Variants in AMN observed in about 807,000 individuals in gnomAD.
The protein encoded by AMN is protein amnionless.
In AMN, 40 loss-of-function variants were observed where a neutral mutation model predicts 49.1. The ratio of observed to expected loss-of-function variants is 0.81; its 90% confidence interval spans 0.63 to 1.06. The LOEUF (loss-of-function observed/expected upper bound fraction) is 1.06. Among genes scored for constraint, AMN ranks in the 50% least tolerant of loss-of-function variants. The probability of loss-of-function intolerance (pLI) is 0.00; values close to 1 mark genes in which losing one functional copy is unlikely to be tolerated. For missense variants in AMN, 701 were observed against 662.8 expected, an observed-to-expected ratio of 1.06 and a Z score of -0.63; for synonymous variants, 380 against 313.3, an observed-to-expected ratio of 1.21 and a Z score of -2.25.
chr14:102,922,973 C>T (rs1891094190), intron 1 of AMN: 4 of 545,050 alleles, frequency 7.3e-6, no homozygotes, highest in Non-Finnish European at 1.2e-5. Context: ...GAACCTCGGC[C>T]AGCCCCGGCC....
chr14:102,926,867 T>C (rs1199655134), intron 3 of AMN, among the ~76,000 whole-genome samples: 1 of 152,170 alleles, frequency 6.6e-6, no homozygotes, highest in South Asian at 2.1e-4. Flanking sequence ...GGTCTTATAT[T>C]GTATTGGTTA....
chr14:102,928,510 G>C lies in AMN; in HGVS notation c.292G>C (p.Ala98Pro), dbSNP rs1326623762. Residue 98 changes from alanine to proline, a missense_variant, in exon 4 of 12, where the codon GCG becomes CCG. Ala to Pro is a conservative substitution (Grantham distance 27). Transcript: ENST00000299155. Reference sequence around the variant, plus strand: ...CGTGGGCTCGCACCTGGACTGTGGCGCGGGTGAGGCGGTCGGGCAGGGGCG... The same window carrying C: ...CGTGGGCTCGCACCTGGACTGTGGCCCGGGTGAGGCGGTCGGGCAGGGGCG... ...SDVGSHLDCG[A>P]GEPAVFRDSD... 2 of 1,605,854 alleles carry C rather than the reference G, an allele frequency of 1.2e-6. No homozygotes were observed. The highest frequency in any genetic ancestry group is 1.7e-6 in the Non-Finnish European group (2 of 1,178,326).
chr14:102,928,077 C>CG (rs1160386533), intron 3 of AMN, among the ~76,000 whole-genome samples: 1 of 152,154 alleles, frequency 6.6e-6, no homozygotes, highest in African/African-American at 2.4e-5. Flanking sequence ...CAAGGGGCTA[C>CG]GGGGGGAGGC....
At chr14:102,929,618 C>T (rs1595434085) in intron 7 of AMN, 37 bp from the exon 8 acceptor site, 3 of 1,547,884 alleles carry the variant, frequency 1.9e-6, no homozygotes, top group African/African-American at 1.4e-5. Flanking sequence ...CTGCCGGGCC[C>T]GGATCCACGG....
chr14:102,930,511 G>A lies in AMN; in HGVS notation c.1257+18G>A, dbSNP rs754968366. On this transcript the variant is annotated intron_variant, in intron 11 of 11. Coordinates refer to ENST00000299155, the MANE Select transcript of AMN (RefSeq NM_030943.4). ...AGGAGCTGGTGAGGGGGCTGGAGGG[G>A]GGACCGGGGCCTCCTCGGGGCCGGG... 36 of 1,539,508 alleles carry A rather than the reference G, an allele frequency of 2.3e-5. No individual in the cohort carries two copies. The highest frequency in any genetic ancestry group is 3.0e-5 in the Non-Finnish European group (34 of 1,143,892).
chr14:102,922,887 C>T lies in AMN; in HGVS notation c.43+156C>T, dbSNP rs532186843. ...GCGTGAAACTCGGCCCTGCCTCCCT[C>T]GTCTGGCGAGTGCGCAGCCCGGAAG... On this transcript the variant is annotated intron_variant, in intron 1 of 11. Coordinates refer to ENST00000299155, the MANE Select transcript of AMN (RefSeq NM_030943.4). 9.1e-4 allele frequency: 983 copies of T among 1,081,480 alleles called. 2 individuals carry two copies. Among genetic ancestry groups the T allele is most frequent in the Middle Eastern group, 1.5e-3 (5 of 3,230 alleles). 67.0% of individuals were successfully genotyped at this position (1,081,480 alleles called of 1,614,324 possible). A position where few individuals can be genotyped will look rare whatever the true frequency, so the allele number is the denominator to read the frequency against.
At chr14:102,930,516 C>T (rs1447834379) in intron 11 of AMN, 23 bp downstream of exon 11, 4 of 1,540,440 alleles carry the variant, frequency 2.6e-6, no homozygotes, top group Admixed American at 2.0e-5. Context: ...GAGGGGGGAC[C>T]GGGGCCTCCT....
rs1048715057 is a variant in AMN at position 102,923,802 on chromosome 14, C to T, written c.135C>T (p.Gly45=). 2 of 1,612,666 alleles carry T rather than the reference C, an allele frequency of 1.2e-6. No homozygotes were observed. The highest frequency in any genetic ancestry group is 1.7e-5 in the Admixed American group (1 of 60,006). The change falls in exon 2 of 12, where the codon GGC becomes GGT. Residue 45 remains glycine (G), a synonymous_variant. Transcript: ENST00000299155. ...NWSQNRTPCA[G]GAVEFPADKM... is the part of the protein sequence containing the mutation. ...GCCAGAACCGGACCCCGTGCGCCGGCGGCGCCGTTGAGTTCCCGGCGGACA... is the reference window on the plus strand; with the variant it reads ...GCCAGAACCGGACCCCGTGCGCCGGTGGCGCCGTTGAGTTCCCGGCGGACA...
Position 102,928,877 on chromosome 14 carries a change from CACG to C in AMN, c.422_424del (p.Asp141del). 6.2e-7 allele frequency: 1 copy of C among 1,604,176 alleles called. No homozygotes were observed. Among genetic ancestry groups the C allele is most frequent in the African/African-American group, 1.3e-5 (1 of 75,042 alleles). ...GGACGCCGAGCGCGTGCCCTGCCGCCACGACGACGTCTTCTTTCCGCCTAGTGC... is the reference window on the plus strand; with the variant it reads ...GGACGCCGAGCGCGTGCCCTGCCGCCACGACGTCTTCTTTCCGCCTAGTGC... On this transcript the variant is annotated inframe_deletion, in exon 5 of 12. Coordinates refer to ENST00000299155, the MANE Select transcript of AMN (RefSeq NM_030943.4).
intron 3 of AMN, among the ~76,000 whole-genome samples, chr14:102,925,853 G>C (rs745351694): frequency 3.9e-4 from 60 of 152,174 alleles, no homozygotes; most frequent in Non-Finnish European, 6.8e-4. Flanking sequence ...TCCCCTGCCC[G>C]CGTCGGCTAT....
At chr14:102,925,156 C>T (rs1486159179) in intron 3 of AMN, among the ~76,000 whole-genome samples, 3 of 152,226 alleles carry the variant, frequency 2.0e-5, no homozygotes, top group African/African-American at 7.2e-5. Flanking sequence ...ATCCTGTCAC[C>T]TGCACACCTG....
intron 8 of AMN, 63 bp downstream of exon 8, chr14:102,929,800 G>A: frequency 6.5e-7 from 1 of 1,544,406 alleles, no homozygotes. Context: ...CTCCGCCTAG[G>A]ACGCCCCTTC....
At chr14:102,929,036 C>T (rs571051491) in intron 5 of AMN, 61 bp downstream of exon 5, 13 of 1,595,678 alleles carry the variant, frequency 8.1e-6, no homozygotes, top group Non-Finnish European at 1.0e-5. Context: ...GACCCCGCCC[C>T]TCCTGGTCTG....
Position 102,930,507 on chromosome 14 carries a change from A to C in AMN, c.1257+14A>C. 1 of 1,536,122 alleles carries C rather than the reference A, an allele frequency of 6.5e-7. No individual in the cohort carries two copies. The highest frequency in any genetic ancestry group is 8.8e-7 in the Non-Finnish European group (1 of 1,142,804). Reference sequence around the variant, plus strand: ...TCCGAGGAGCTGGTGAGGGGGCTGGAGGGGGGACCGGGGCCTCCTCGGGGC... The same window carrying C: ...TCCGAGGAGCTGGTGAGGGGGCTGGCGGGGGGACCGGGGCCTCCTCGGGGC... On this transcript the variant is annotated intron_variant, in intron 11 of 11. Coordinates refer to ENST00000299155, the MANE Select transcript of AMN (RefSeq NM_030943.4).
In AMN at chr14:102,930,228, C is replaced by A; in HGVS notation, c.1070C>A (p.Ser357Tyr). The A allele has an allele frequency of 7.1e-7, 1 of 1,405,082 alleles. No individual in the cohort carries two copies. The highest frequency in any genetic ancestry group is 9.2e-7 in the Non-Finnish European group (1 of 1,082,374). 87.0% of individuals were successfully genotyped at this position (1,405,082 alleles called of 1,614,324 possible). ...TCGGGCGCACACGTCTGGGGCAGCT[C>A]CGCGGCTGGGCTGGCGGGCGGCGTG... is the stretch of plus-strand genomic sequence containing the variant. The part of the protein sequence containing the change: ...RESGAHVWGS[S>Y]AAGLAGGVAA... The change falls in exon 10 of 12, where the codon TCC becomes TAC. Residue 357 changes from serine to tyrosine, a missense_variant. Transcript: ENST00000299155.
chr14:102,927,898 C>T (rs1409471094), intron 3 of AMN, among the ~76,000 whole-genome samples: 2 of 152,194 alleles, frequency 1.3e-5, no homozygotes, highest in East Asian at 1.9e-4. Flanking sequence ...AGGGGCAACT[C>T]CACCTCCCCG....
rs956260815 is a variant in AMN, at chr14:102,926,131, T to C, written c.207+2152T>C. Among the ~76,000 whole-genome samples, 39 of 152,212 alleles carry C rather than the reference T, an allele frequency of 2.6e-4. 1 individual carries two copies. Among genetic ancestry groups the C allele is most frequent in the Non-Finnish European group, 1.3e-4 (9 of 68,040 alleles). On this transcript the variant is annotated intron_variant, in intron 3 of 11. Coordinates refer to ENST00000299155, the MANE Select transcript of AMN (RefSeq NM_030943.4). ...TGGACTTGCCTGCAGTGTCCTGTGC[T>C]GAACAGAAACCTTCATTTTAATCGA...
chr14:102,929,112 TGC>T lies in AMN; in HGVS notation c.514-8_514-7del. ...GGGCTGGCTCCGGTGGGGACCCGGC[TGC>T]CCGCAGACGTTCACGCGCGACGAGG... On this transcript the variant is annotated splice_region_variant and splice_polypyrimidine_tract_variant and intron_variant, in intron 5 of 11. Transcript: ENST00000299155. 1 of 1,597,568 alleles carries T rather than the reference TGC, an allele frequency of 6.3e-7. No homozygotes were observed. The highest frequency in any genetic ancestry group is 8.5e-7 in the Non-Finnish European group (1 of 1,179,604).
In AMN at chr14:102,922,749, C is replaced by T; in HGVS notation, c.43+18C>T. ...GCTCTGCGGTGAGCCGGGACCACAC[C>T]GGTGCGGGCCCGGACGGTAGCGGTC... On this transcript the variant is annotated intron_variant, in intron 1 of 11. Transcript: ENST00000299155. 1.3e-6 allele frequency: 2 copies of T among 1,575,870 alleles called. No individual in the cohort carries two copies. The highest frequency in any genetic ancestry group is 1.7e-6 in the Non-Finnish European group (2 of 1,165,146).
Sources: allele counts gnomAD v4.1 joint callset (sites outside exome capture counted in the v4.1 genomes callset), GRCh38; gene constraint gnomAD v4.1.1; transcripts MANE v1.5; gene names NCBI Gene and HGNC (gene_info 2026-07-23, HGNC 2026-07-21).